The following NALCN variants were observed in gnomAD, a reference collection of about 807,000 sequenced individuals.
The protein encoded by NALCN is sodium leak channel, non-selective.
In NALCN, 111 loss-of-function variants were observed where a neutral mutation model predicts 225.3. The ratio of observed to expected loss-of-function variants is 0.49; its 90% CI spans 0.42 to 0.58. The LOEUF (loss-of-function observed/expected upper bound fraction) is 0.58, where lower values mean the gene tolerates loss of function less well. Ranked by LOEUF, NALCN falls within the 20% of genes least tolerant of loss-of-function variation. The probability of loss-of-function intolerance (pLI) is 0.00; values close to 1 mark genes in which losing one functional copy is unlikely to be tolerated. For missense variants in NALCN, 1,378 were observed against 2,202.4 expected (o/e 0.63, Z 7.49); for synonymous variants, 764 against 769.0 (o/e 0.99, Z 0.11).
chr13:101,161,216 A>G (rs1334671646), intron 15 of NALCN, among the ~76,000 whole-genome samples: 1 of 152,206 alleles, frequency 6.6e-6, no homozygotes, highest in African/African-American at 2.4e-5. Context: ...TTGAATGTCC[A>G]CATTTATATC....
At chr13:101,280,860 C>T (rs1025022573) in intron 10 of NALCN, among the ~76,000 whole-genome samples, 3 of 146,064 alleles carry the variant, frequency 2.1e-5, no homozygotes, top group Admixed American at 7.0e-5. Context: ...CTTAGTCATT[C>T]TTTTCCTCAT....
At chr13:101,163,462 C>T (rs758948461) in intron 15 of NALCN, among the ~76,000 whole-genome samples, 7 of 152,138 alleles carry the variant, frequency 4.6e-5, no homozygotes, top group Non-Finnish European at 1.0e-4. Flanking sequence ...TTGAGTTAAT[C>T]ACACATGACA....
chr13:101,165,356 G>A (rs752046309), intron 15 of NALCN, among the ~76,000 whole-genome samples: 1 of 152,166 alleles, frequency 6.6e-6, no homozygotes, highest in Non-Finnish European at 1.5e-5. Flanking sequence ...CCCTGAGCTT[G>A]CTCTTATTGC....
At chr13:101,102,191 G>A (rs907694241) in intron 26 of NALCN, among the ~76,000 whole-genome samples, 2 of 151,770 alleles carry the variant, frequency 1.3e-5, no homozygotes, top group Non-Finnish European at 2.9e-5. Context: ...GCTGAGGCAT[G>A]AGAATCTCTT....
intron 41 of NALCN, among the ~76,000 whole-genome samples, chr13:101,060,613 A>C (rs1443622262): frequency 2.0e-5 from 3 of 151,842 alleles, no homozygotes; most frequent in African/African-American, 7.3e-5. Context: ...AAAATTACTA[A>C]TGTGGCTATT....
At chr13:101,268,294 T>C (rs546510312) in intron 10 of NALCN, among the ~76,000 whole-genome samples, 1 of 152,272 alleles carries the variant, frequency 6.6e-6, no homozygotes, top group South Asian at 2.1e-4. Context: ...TGTTGGTGAC[T>C]TGAAATTGGC....
In NALCN at chr13:101,292,293, G is replaced by A. The variant is rs142789065; in HGVS notation, c.873C>T (p.Asp291=). ...GWVFLMYRAI[D]SFPRWRSYFY... is the part of the protein sequence containing the mutation. Reference sequence around the variant, plus strand: ...AGTAGGAACGCCAACGGGGAAAGCTGTCAATTGCTCTGTACATGAGGAACA... The same window carrying A: ...AGTAGGAACGCCAACGGGGAAAGCTATCAATTGCTCTGTACATGAGGAACA... Residue 291 remains aspartate (D), a synonymous_variant, in exon 8 of 44, where the codon GAC becomes GAT. Transcript: ENST00000251127. The surrounding 1 kb of genome is among the most constrained non-coding windows in gnomAD (Gnocchi z 4.3). The A allele has an allele frequency of 9.9e-6, 16 of 1,614,028 alleles. No individual in the cohort carries two copies. The African/African-American group carries it at 2.0e-4, about 20-fold the overall frequency.
At chr13:101,274,323 C>A (rs934863989) in intron 10 of NALCN, among the ~76,000 whole-genome samples, 1 of 152,194 alleles carries the variant, frequency 6.6e-6, no homozygotes, top group African/African-American at 2.4e-5. Flanking sequence ...GTTATTTTCA[C>A]AGTAGGGTAA....
intron 3 of NALCN, among the ~76,000 whole-genome samples, chr13:101,385,906 C>G (rs990517178): frequency 3.3e-5 from 5 of 152,170 alleles, no homozygotes; most frequent in Non-Finnish European, 2.9e-5. Flanking sequence ...TTACATCTTA[C>G]AGTCAAAGTA....
chr13:101,246,470 G>A (rs933144938), intron 11 of NALCN, among the ~76,000 whole-genome samples: 1 of 152,128 alleles, frequency 6.6e-6, no homozygotes, highest in Non-Finnish European at 1.5e-5. Context: ...AGTGATTACT[G>A]ATTACCTGTA....
chr13:101,151,670 T>C (rs1235964150), intron 15 of NALCN, among the ~76,000 whole-genome samples: 1 of 152,234 alleles, frequency 6.6e-6, no homozygotes, highest in Non-Finnish European at 1.5e-5. Flanking sequence ...TCTGTATCTA[T>C]ATATATGACA....
At chr13:101,299,421 G>GT (rs201914575) in intron 7 of NALCN, among the ~76,000 whole-genome samples, 2,627 of 150,706 alleles carry the variant, frequency 0.017, 29 homozygotes, top group Non-Finnish European at 0.026. Flanking sequence ...CACACACAGG[G>GT]TTTTTTTTGT....
rs1007844473 is a variant in NALCN, at chr13:101,100,725, A to G, written c.3162+59T>C. The G allele has an allele frequency of 5.0e-6, 7 of 1,401,188 alleles. No individual in the cohort carries two copies. The East Asian group carries it at 1.7e-4, about 33-fold the overall frequency. 86.8% of individuals were successfully genotyped at this position (1,401,188 alleles called of 1,614,324 possible). A position where few individuals can be genotyped will look rare whatever the true frequency, so the allele number is the denominator to read the frequency against. On this transcript the variant is annotated intron_variant, in intron 27 of 43. Transcript: ENST00000251127. ...ATTCCAAAGTGCTAGGATTGTAGGC[A>G]CATGCCACCACACTTGGCCCTTAAT...
intron 7 of NALCN, among the ~76,000 whole-genome samples, chr13:101,309,771 T>TG (rs2044275374): frequency 6.6e-6 from 1 of 152,330 alleles, no homozygotes; most frequent in East Asian, 1.9e-4. Flanking sequence ...GAAAACAATT[T>TG]TAAAAAAATT....
At position 101,068,784 on chromosome 13, in the gene NALCN, G is replaced by A. The variant is rs1356157743; in HGVS notation, c.4241C>T (p.Ala1414Val). ...CCCAGCATAATTTCCACAGTCTGTT[G>A]CCCAGTATGTAAATTCATCTGGAGT... ...FCTPDEFTYW[A>V]TDCGNYAGAL... The change falls in exon 38 of 44, where the codon GCA (alanine) becomes GTA (valine). Residue 1414 changes from alanine to valine, a missense_variant. Around this residue, in one of 19 missense-constraint regions of NALCN, gnomAD observed 76 missense variants for 118.7 expected, o/e 0.64. Coordinates refer to ENST00000251127, the MANE Select transcript of NALCN (RefSeq NM_052867.4). 1.9e-6 allele frequency: 3 copies of A among 1,612,722 alleles called. No individual in the cohort carries two copies. The East Asian group carries it at 6.7e-5, about 36-fold the overall frequency.
At position 101,163,331 on chromosome 13, in the gene NALCN, G is replaced by A. The variant is rs188049184; in HGVS notation, c.1839+12969C>T. Among the ~76,000 whole-genome samples, 62 of 152,228 alleles carry A rather than the reference G, an allele frequency of 4.1e-4. 2 individuals carry two copies. Among genetic ancestry groups the A allele is most frequent in the African/African-American group, 1.4e-3 (59 of 41,534 alleles). ...CAACCCACCATTGTAGACTCGAGTG[G>A]ACAATCTTAGGTGTGTAGTTTCATG... On this transcript the variant is annotated intron_variant, in intron 15 of 43. Transcript: ENST00000251127.
At chr13:101,226,727 C>T (rs529181842) in intron 13 of NALCN, among the ~76,000 whole-genome samples, 5 of 152,288 alleles carry the variant, frequency 3.3e-5, no homozygotes, top group Non-Finnish European at 7.4e-5. Context: ...GGTGCATGAC[C>T]AGGGCACTGC....
intron 15 of NALCN, among the ~76,000 whole-genome samples, chr13:101,163,835 G>A (rs1014566373): frequency 6.6e-6 from 1 of 152,110 alleles, no homozygotes; most frequent in African/African-American, 2.4e-5. Flanking sequence ...CTGGGGGCTG[G>A]AAGTCTGAGA....
chr13:101,319,009 G>A (rs765874641), intron 7 of NALCN, among the ~76,000 whole-genome samples: 1 of 152,188 alleles, frequency 6.6e-6, no homozygotes, highest in Admixed American at 6.5e-5. Context: ...ATGTTGTTAT[G>A]AGTTGAATGG....
Sources: allele counts gnomAD v4.1 joint callset (sites outside exome capture counted in the v4.1 genomes callset), GRCh38; gene constraint gnomAD v4.1.1; regional missense constraint gnomAD v4.1.1; non-coding constraint Gnocchi (gnomAD v3.1); transcripts MANE v1.5; gene names NCBI Gene and HGNC (gene_info 2026-07-23, HGNC 2026-07-21).